NDUFAF2: variants seen among roughly 807,000 people sequenced by gnomAD.
The protein encoded by NDUFAF2 is NADH:ubiquinone oxidoreductase complex assembly factor 2, also known as NADH dehydrogenase [ubiquinone] 1 alpha subcomplex assembly factor 2.
Under a neutral mutation model 22.8 loss-of-function variants are expected in NDUFAF2, and 13 were observed. That is an observed-to-expected ratio of 0.57 (90% confidence interval 0.37 to 0.91). The LOEUF is 0.91. Ranked by LOEUF, NDUFAF2 falls within the 40% of genes least tolerant of loss-of-function variation. NDUFAF2 has a pLI of 0.01. For synonymous variants in NDUFAF2, 53 were observed against 64.2 expected, an observed-to-expected ratio of 0.83 and a Z score of 0.84; for missense variants, 162 against 195.2, an observed-to-expected ratio of 0.83 and a Z score of 1.01.
intron 1 of NDUFAF2, among the ~76,000 whole-genome samples, chr5:61,022,085 A>G (rs1256712251): frequency 1.3e-5 from 2 of 152,188 alleles, no homozygotes; most frequent in South Asian, 2.1e-4. Context: ...CTCAAAGTCT[A>G]CTAATTAAAA....
intron 2 of NDUFAF2, among the ~76,000 whole-genome samples, chr5:61,079,197 A>G (rs921796441): frequency 9.9e-5 from 15 of 152,220 alleles, no homozygotes; most frequent in African/African-American, 3.4e-4. Context: ...ATATCTCAGT[A>G]TAAAATGTCA....
intron 3 of NDUFAF2, among the ~76,000 whole-genome samples, chr5:61,118,592 CTG>C (rs1401093314): frequency 6.6e-6 from 1 of 152,066 alleles, no homozygotes; most frequent in East Asian, 1.9e-4. Flanking sequence ...GTTATATTCT[CTG>C]TGTATTGAAT....
chr5:61,007,068 C>G (rs1462508532), intron 1 of NDUFAF2, among the ~76,000 whole-genome samples: 13 of 152,034 alleles, frequency 8.6e-5, no homozygotes, highest in Non-Finnish European at 1.8e-4. Context: ...TTGTAGATTG[C>G]CTGTTCATTC....
intron 1 of NDUFAF2, among the ~76,000 whole-genome samples, chr5:60,954,848 C>T (rs148500297): frequency 6.6e-6 from 1 of 151,848 alleles, no homozygotes. Flanking sequence ...TATTGAGAAC[C>T]TTTTCATATA....
chr5:61,014,194 G>A (rs901121013), intron 1 of NDUFAF2, among the ~76,000 whole-genome samples: 2 of 152,218 alleles, frequency 1.3e-5, no homozygotes, highest in Non-Finnish European at 2.9e-5. Context: ...TGGACGTTGA[G>A]CTAATCACCA....
At chr5:61,138,086 G>T (rs115704943) in intron 3 of NDUFAF2, among the ~76,000 whole-genome samples, 3,964 of 152,342 alleles carry the variant, frequency 0.026, 83 homozygotes, top group Non-Finnish European at 0.044. Flanking sequence ...AGCATTCACT[G>T]CAGCTGGGAA....
chr5:60,973,043 G>A (rs555940842), intron 1 of NDUFAF2, among the ~76,000 whole-genome samples: 6 of 150,730 alleles, frequency 4.0e-5, no homozygotes, highest in South Asian at 4.2e-4. Context: ...TTGCATTTTT[G>A]ACTTCTTTTA....
At chr5:61,086,738 C>T (rs1752509345) in intron 2 of NDUFAF2, among the ~76,000 whole-genome samples, 1 of 151,790 alleles carries the variant, frequency 6.6e-6, no homozygotes, top group South Asian at 2.1e-4. Context: ...TTAAATAGGA[C>T]CCTAAAACAC....
chr5:61,093,800 T>A (rs1343542383), intron 2 of NDUFAF2, among the ~76,000 whole-genome samples: 1 of 152,210 alleles, frequency 6.6e-6, no homozygotes. Context: ...GAGGAGTCCC[T>A]CTTTTTTAAT....
intron 1 of NDUFAF2, among the ~76,000 whole-genome samples, chr5:61,061,596 G>C (rs891901136): frequency 6.6e-6 from 1 of 152,006 alleles, no homozygotes. Flanking sequence ...GTGTGCCTCA[G>C]AGCAATAGAC....
intron 1 of NDUFAF2, among the ~76,000 whole-genome samples, chr5:61,068,346 T>C (rs1208020653): frequency 6.6e-6 from 1 of 152,132 alleles, no homozygotes; most frequent in Non-Finnish European, 1.5e-5. Context: ...TTAACACACT[T>C]TTACAAGAAA....
intron 1 of NDUFAF2, among the ~76,000 whole-genome samples, chr5:60,946,639 G>GAC (rs1750461357): frequency 1.3e-5 from 2 of 152,196 alleles, no homozygotes; most frequent in South Asian, 4.1e-4. Flanking sequence ...CAAACTGTCA[G>GAC]ACTGAGTTTT....
At chr5:61,034,275 A>T (rs1261161196) in intron 1 of NDUFAF2, among the ~76,000 whole-genome samples, 1 of 152,180 alleles carries the variant, frequency 6.6e-6, no homozygotes, top group Non-Finnish European at 1.5e-5. Context: ...TAGTACAGTT[A>T]TGTGTCACTT....
chr5:61,041,673 A>T (rs1434279865), intron 1 of NDUFAF2, among the ~76,000 whole-genome samples: 1 of 152,228 alleles, frequency 6.6e-6, no homozygotes. Context: ...GTGAATAAGC[A>T]TCACTTGTAA....
At chr5:61,003,132 T>C (rs1188149130) in intron 1 of NDUFAF2, among the ~76,000 whole-genome samples, 1 of 152,148 alleles carries the variant, frequency 6.6e-6, no homozygotes. Context: ...AATGCAAACA[T>C]AGCATTCTCT....
At chr5:60,986,976 A>C (rs1368339253) in intron 1 of NDUFAF2, among the ~76,000 whole-genome samples, 2 of 151,844 alleles carry the variant, frequency 1.3e-5, no homozygotes, top group African/African-American at 4.8e-5. Context: ...AAACCATACA[A>C]GGACCAATGA....
intron 1 of NDUFAF2, among the ~76,000 whole-genome samples, chr5:60,977,406 G>T (rs1217518261): frequency 2.0e-5 from 3 of 147,708 alleles, no homozygotes; most frequent in Non-Finnish European, 4.5e-5. Flanking sequence ...TCCAGCCTGG[G>T]TTATGGAGCT....
chr5:60,994,933 C>T (rs531894416), intron 1 of NDUFAF2, among the ~76,000 whole-genome samples: 1 of 152,190 alleles, frequency 6.6e-6, no homozygotes, highest in South Asian at 2.1e-4. Context: ...AGCCTGACTT[C>T]AAGCTCACTG....
rs74745281 is a variant in NDUFAF2 at position 61,045,755 on chromosome 5, T to G, written c.128-27370T>G. On this transcript the variant is annotated intron_variant, in intron 1 of 3. Coordinates refer to ENST00000296597, the MANE Select transcript of NDUFAF2 (RefSeq NM_174889.5). ...TTTAGGATTTTTTAGATATAAGACC[T>G]TGTCATCTGTAGAGACAATTTAACA... Among the ~76,000 whole-genome samples the G allele has an allele frequency of 7.8e-3, 1,192 of 152,274 alleles. 15 individuals carry two copies. Among genetic ancestry groups the G allele is most frequent in the African/African-American group, 0.027 (1,117 of 41,556 alleles).
Sources: gnomAD v4.1 joint callset for allele counts (sites outside exome capture counted in the v4.1 genomes callset) on GRCh38, gnomAD v4.1.1 for gene constraint, MANE v1.5 for transcripts, NCBI Gene and HGNC (gene_info 2026-07-23, HGNC 2026-07-21) for gene names.